Variants in ASIC2 observed in about 807,000 individuals in gnomAD.
ASIC2 encodes acid-sensing ion channel 2.
ASIC2 carries 25 observed loss-of-function variants against 57.3 expected under a neutral mutation model. That is an observed-to-expected ratio of 0.44 (90% CI 0.32 to 0.61). The LOEUF is 0.61. Ranked by LOEUF, ASIC2 falls within the 20% of genes least tolerant of loss-of-function variation. ASIC2 has a pLI of 0.06. For synonymous variants in ASIC2, 319 were observed against 307.5 expected, an observed-to-expected ratio of 1.04 and a Z score of -0.39; for missense variants, 641 against 738.1, an observed-to-expected ratio of 0.87 and a Z score of 1.52.
chr17:33,515,056 G>C (rs1437856947), intron 1 of ASIC2, among the ~76,000 whole-genome samples: 1 of 152,202 alleles, frequency 6.6e-6, no homozygotes, highest in Non-Finnish European at 1.5e-5. Flanking sequence ...ATAGGTGCCA[G>C]TAAGTATTTA....
In ASIC2 at chr17:33,409,229, T is replaced by A. The variant is rs541914739; in HGVS notation, c.556-297162A>T. On this transcript the variant is annotated intron_variant, in intron 1 of 9. Coordinates refer to the ASIC2 transcript ENST00000359872. ...GACTCTGTCTAAAAAATAATTTTTTTAAAAAAAAGTTCCACTCCTGCATTT... is the reference window on the plus strand; with the variant it reads ...GACTCTGTCTAAAAAATAATTTTTTAAAAAAAAAGTTCCACTCCTGCATTT... Among the ~76,000 whole-genome samples the A allele has an allele frequency of 3.2e-4, 49 of 152,010 alleles. 1 individual carries two copies. The highest frequency in any genetic ancestry group is 3.4e-3 in the Middle Eastern group (1 of 294).
At chr17:33,380,570 A>G (rs1158389805) in intron 1 of ASIC2, among the ~76,000 whole-genome samples, 2 of 152,136 alleles carry the variant, frequency 1.3e-5, no homozygotes, top group African/African-American at 4.8e-5. Flanking sequence ...TCCAGAATCT[A>G]TATTCTTCTC....
intron 1 of ASIC2, among the ~76,000 whole-genome samples, chr17:34,051,270 C>A (rs1908546081): frequency 6.6e-6 from 1 of 152,152 alleles, no homozygotes; most frequent in South Asian, 2.1e-4. Context: ...CTAGTGAATC[C>A]AAATGTTACC....
At chr17:33,955,355 T>G (rs1429589239) in intron 1 of ASIC2, 1 of 152,204 alleles carries the variant, frequency 6.6e-6, no homozygotes, top group Non-Finnish European at 1.5e-5. Flanking sequence ...CCAATCCTAT[T>G]TTCTTGCCAT....
intron 1 of ASIC2, among the ~76,000 whole-genome samples, chr17:33,503,400 GTCA>G (rs1914157685): frequency 6.6e-6 from 1 of 152,166 alleles, no homozygotes; most frequent in Non-Finnish European, 1.5e-5. Context: ...TTATCCTGAT[GTCA>G]GGTAAGTCCT....
chr17:33,384,416 CT>C (rs1308630986), intron 1 of ASIC2, among the ~76,000 whole-genome samples: 2 of 151,994 alleles, frequency 1.3e-5, no homozygotes. Context: ...ATGCTAGGAT[CT>C]TTTTTTTCTG....
chr17:33,367,705 TA>T (rs1401110316), intron 1 of ASIC2, among the ~76,000 whole-genome samples: 1 of 152,190 alleles, frequency 6.6e-6, no homozygotes, highest in African/African-American at 2.4e-5. Context: ...AGATCTTTAG[TA>T]AAAACTCAGG....
At chr17:33,486,375 A>G (rs1377228889) in intron 1 of ASIC2, among the ~76,000 whole-genome samples, 8 of 152,216 alleles carry the variant, frequency 5.3e-5, no homozygotes, top group East Asian at 1.9e-4. Flanking sequence ...AACCAAGGCA[A>G]TCTGGCTTCA....
At chr17:33,609,356 G>A (rs895239853) in intron 1 of ASIC2, among the ~76,000 whole-genome samples, 9 of 152,114 alleles carry the variant, frequency 5.9e-5, no homozygotes, top group African/African-American at 1.2e-4. Flanking sequence ...TAAACTCATC[G>A]TGACTGCCCT....
At chr17:33,985,767 C>A (rs1905796662) in intron 1 of ASIC2, among the ~76,000 whole-genome samples, 1 of 152,222 alleles carries the variant, frequency 6.6e-6, no homozygotes, top group Non-Finnish European at 1.5e-5. Flanking sequence ...TGCCACTCCT[C>A]TGTCTAAAGC....
chr17:34,022,055 T>C (rs1907183011), intron 1 of ASIC2, among the ~76,000 whole-genome samples: 1 of 152,086 alleles, frequency 6.6e-6, no homozygotes. Context: ...GCCAGGATGG[T>C]CTCGATCTCC....
chr17:33,995,076 C>T (rs112691584), intron 1 of ASIC2, among the ~76,000 whole-genome samples: 13 of 152,234 alleles, frequency 8.5e-5, no homozygotes, highest in African/African-American at 1.2e-4. Context: ...GACCTCCATC[C>T]AGGACTGTAC....
At chr17:34,033,828 G>C (rs1024004032) in intron 1 of ASIC2, among the ~76,000 whole-genome samples, 2 of 152,158 alleles carry the variant, frequency 1.3e-5, no homozygotes, top group Non-Finnish European at 2.9e-5. Flanking sequence ...TTGAATCTCT[G>C]AATAGACCAA....
chr17:33,501,098 T>C (rs1914088842), intron 1 of ASIC2, among the ~76,000 whole-genome samples: 1 of 152,230 alleles, frequency 6.6e-6, no homozygotes, highest in African/African-American at 2.4e-5. Context: ...CCCAGTGAAA[T>C]TCCCTGAGCC....
At chr17:33,642,493 C>G (rs1399766736) in intron 1 of ASIC2, among the ~76,000 whole-genome samples, 1 of 152,186 alleles carries the variant, frequency 6.6e-6, no homozygotes, top group African/African-American at 2.4e-5. Flanking sequence ...CAATGCCTGC[C>G]CCTTGTAAGG....
intron 1 of ASIC2, among the ~76,000 whole-genome samples, chr17:33,435,804 T>C (rs1473115638): frequency 2.6e-5 from 4 of 152,186 alleles, no homozygotes; most frequent in Non-Finnish European, 5.9e-5. Context: ...AAAATGAACA[T>C]TAGTTGCCTC....
At chr17:33,840,799 C>CCATACACACACACACA (rs1555565740) in intron 1 of ASIC2, among the ~76,000 whole-genome samples, 2 of 147,482 alleles carry the variant, frequency 1.4e-5, no homozygotes, top group African/African-American at 5.0e-5. Flanking sequence ...CCTGGACACA[C>CCATACACACACACACA]CACACACACA....
intron 1 of ASIC2, among the ~76,000 whole-genome samples, chr17:33,797,580 T>G (rs976999221): frequency 5.3e-5 from 8 of 152,244 alleles, no homozygotes; most frequent in African/African-American, 1.9e-4. Context: ...TGCATGTTGA[T>G]GTGAAGCTTG....
chr17:34,007,578 G>A lies in ASIC2; in HGVS notation c.555+148400C>T, dbSNP rs553030471. Among the ~76,000 whole-genome samples the A allele has an allele frequency of 1.1e-4, 16 of 152,296 alleles. No individual in the cohort carries two copies. In the South Asian group the frequency reaches 3.1e-3, roughly 30 times the overall value. Reference sequence around the variant, plus strand: ...AACAGAGGAGGTACCCAAGCCCAGAGGGCAAATGACTTGCCTGATATCACA... The same window carrying A: ...AACAGAGGAGGTACCCAAGCCCAGAAGGCAAATGACTTGCCTGATATCACA... On this transcript the variant is annotated intron_variant, in intron 1 of 9. Coordinates refer to the ASIC2 transcript ENST00000359872.
Sources: allele counts gnomAD v4.1 joint callset (sites outside exome capture counted in the v4.1 genomes callset), GRCh38; gene constraint gnomAD v4.1.1; transcripts MANE v1.5; gene names NCBI Gene and HGNC (gene_info 2026-07-23, HGNC 2026-07-21).